SPAG16: variants seen among roughly 807,000 people sequenced by gnomAD.
SPAG16 encodes sperm-associated antigen 16 protein.
SPAG16 carries 86 observed loss-of-function variants against 80.4 expected under a neutral mutation model. The ratio of observed to expected loss-of-function variants is 1.07; its 90% confidence interval spans 0.90 to 1.28. The LOEUF (loss-of-function observed/expected upper bound fraction) is 1.28. SPAG16 is among the 50% of genes most tolerant of loss of function. SPAG16 has a pLI of 0.00. For missense variants in SPAG16, 870 were observed against 765.3 expected, an observed-to-expected ratio of 1.14 and a Z score of -1.61; for synonymous variants, 294 against 265.9, an observed-to-expected ratio of 1.11 and a Z score of -1.03.
intron 15 of SPAG16, among the ~76,000 whole-genome samples, chr2:214,218,807 G>A (rs2058495822): frequency 6.6e-6 from 1 of 152,158 alleles, no homozygotes; most frequent in African/African-American, 2.4e-5. Context: ...GGGTAAATGT[G>A]GCAAGTCACT....
intron 15 of SPAG16, among the ~76,000 whole-genome samples, chr2:214,179,071 C>G (rs1354754471): frequency 6.6e-6 from 1 of 151,334 alleles, no homozygotes; most frequent in African/African-American, 2.4e-5. Context: ...CTAATCACTT[C>G]TCTACTTTTA....
At chr2:213,795,648 G>A (rs1482412560) in intron 10 of SPAG16, among the ~76,000 whole-genome samples, 1 of 152,164 alleles carries the variant, frequency 6.6e-6, no homozygotes, top group Non-Finnish European at 1.5e-5. Context: ...GGCCTGGTGG[G>A]AGGTGATTAG....
At chr2:213,552,658 A>G (rs985718940) in intron 10 of SPAG16, among the ~76,000 whole-genome samples, 17 of 152,166 alleles carry the variant, frequency 1.1e-4, no homozygotes, top group African/African-American at 3.6e-4. Context: ...TGTCAACTTG[A>G]TTGGAGGATG....
At chr2:213,289,859 T>G (rs1190035151) in intron 1 of SPAG16, among the ~76,000 whole-genome samples, 2 of 152,244 alleles carry the variant, frequency 1.3e-5, no homozygotes, top group Non-Finnish European at 2.9e-5. Context: ...CTGCTGGCAG[T>G]AAACACTACC....
intron 9 of SPAG16, among the ~76,000 whole-genome samples, chr2:213,394,810 T>C (rs935725215): frequency 4.6e-5 from 7 of 152,216 alleles, no homozygotes; most frequent in Non-Finnish European, 1.0e-4. Context: ...GTTGATTCTC[T>C]TTAAAATATT....
rs1421924955 is a variant in SPAG16 at position 213,766,338 on chromosome 2, T to C, written c.1071-96147T>C. ...TAGTGGTCATGGTTGTACAACCTTG[T>C]GACTCTACTATAAAACATGAATTGT... On this transcript the variant is annotated intron_variant, in intron 10 of 15. Transcript: ENST00000331683. Among the ~76,000 whole-genome samples, 5 of 152,308 alleles carry C rather than the reference T, an allele frequency of 3.3e-5. No homozygotes were observed. In the South Asian group the frequency reaches 1.0e-3, roughly 32 times the overall value.
At chr2:213,825,061 AT>A (rs1278525383) in intron 10 of SPAG16, among the ~76,000 whole-genome samples, 5 of 151,594 alleles carry the variant, frequency 3.3e-5, no homozygotes, top group Non-Finnish European at 5.9e-5. Flanking sequence ...AATGCTACAG[AT>A]TTTTGCCTGT....
Position 214,205,763 on chromosome 2 carries a change from T to C in SPAG16, c.1720+56497T>C, listed in dbSNP as rs140366440. Among the ~76,000 whole-genome samples, 1,019 of 152,324 alleles carry C rather than the reference T, an allele frequency of 6.7e-3. 5 individuals carry two copies. Among genetic ancestry groups the C allele is most frequent in the African/African-American group, 0.023 (947 of 41,558 alleles). The stretch of plus-strand genomic sequence containing the variant: ...AATATACCTATTTATGGAATACATG[T>C]GATATTTTGATACATGCATATAATG... On this transcript the variant is annotated intron_variant, in intron 15 of 15. Transcript: ENST00000331683.
chr2:214,346,410 T>C (rs1446292447), intron 15 of SPAG16, among the ~76,000 whole-genome samples: 3 of 152,188 alleles, frequency 2.0e-5, no homozygotes, highest in Non-Finnish European at 4.4e-5. Context: ...AAATCTCTTG[T>C]TCATATTTGT....
At chr2:213,826,993 T>C (rs764504615) in intron 10 of SPAG16, among the ~76,000 whole-genome samples, 3 of 152,000 alleles carry the variant, frequency 2.0e-5, no homozygotes, top group Admixed American at 6.6e-5. Context: ...TCTTTTCTTA[T>C]GGTTTTTTTA....
At chr2:213,929,000 CTTTTTTTTTTTTT>C (rs59993057) in intron 11 of SPAG16, among the ~76,000 whole-genome samples, 15 of 40,852 alleles carry the variant, frequency 3.7e-4, no homozygotes, top group African/African-American at 1.5e-3. Context: ...CTTTTCTTTT[CTTTTTTTTTTTTT>C]TTTTTTTTTT....
intron 6 of SPAG16, among the ~76,000 whole-genome samples, chr2:213,342,340 TTAC>T (rs760507852): frequency 0.094 from 647 of 6,892 alleles, 2 homozygotes; most frequent in South Asian, 0.3. Flanking sequence ...TATATATATA[TTAC>T]ATATATGTAT....
chr2:214,336,542 T>G (rs1162996934), intron 15 of SPAG16, among the ~76,000 whole-genome samples: 1 of 152,106 alleles, frequency 6.6e-6, no homozygotes, highest in Non-Finnish European at 1.5e-5. Flanking sequence ...CTGATGCAAA[T>G]TTTCAAACAT....
chr2:214,014,320 C>T (rs868396242), intron 13 of SPAG16, among the ~76,000 whole-genome samples: 7 of 152,072 alleles, frequency 4.6e-5, no homozygotes, highest in East Asian at 1.9e-4. Context: ...TTATTTATTG[C>T]GATAGAAGCT....
intron 10 of SPAG16, among the ~76,000 whole-genome samples, chr2:213,714,817 T>A (rs1433508064): frequency 2.0e-5 from 3 of 152,184 alleles, no homozygotes; most frequent in Non-Finnish European, 4.4e-5. Flanking sequence ...GAGTACATGA[T>A]CCTAATCACT....
chr2:213,577,964 A>G (rs1032593574), intron 10 of SPAG16, among the ~76,000 whole-genome samples: 3 of 152,152 alleles, frequency 2.0e-5, no homozygotes, highest in South Asian at 4.1e-4. Context: ...CTCTGCTTGC[A>G]TTCGATTTTT....
rs140086543 is a variant in SPAG16, at chr2:213,432,697, C to G, written c.943-57266C>G. ...ACAAAGAAAAACTGAAACCCATCCT[C>G]CAGAAACTCTTTCAAAAAATTGAGG... On this transcript the variant is annotated intron_variant, in intron 9 of 15. Coordinates refer to ENST00000331683, the MANE Select transcript of SPAG16 (RefSeq NM_024532.5). Among the ~76,000 whole-genome samples the G allele has an allele frequency of 6.3e-3, 960 of 152,180 alleles. 10 individuals carry two copies. The highest frequency in any genetic ancestry group is 7.9e-3 in the Non-Finnish European group (539 of 67,962).
chr2:214,221,304 T>C (rs1431217153), intron 15 of SPAG16, among the ~76,000 whole-genome samples: 2 of 152,160 alleles, frequency 1.3e-5, no homozygotes, highest in Admixed American at 1.3e-4. Flanking sequence ...ATGTTTTCTT[T>C]GTAACTTATC....
At chr2:214,216,253 T>C (rs991834984) in intron 15 of SPAG16, among the ~76,000 whole-genome samples, 5 of 152,206 alleles carry the variant, frequency 3.3e-5, no homozygotes, top group African/African-American at 1.2e-4. Flanking sequence ...GAAAAAGTAC[T>C]GAAACTAGAA....
Sources: allele counts gnomAD v4.1 joint callset (sites outside exome capture counted in the v4.1 genomes callset), GRCh38; gene constraint gnomAD v4.1.1; transcripts MANE v1.5; gene names NCBI Gene and HGNC (gene_info 2026-07-23, HGNC 2026-07-21).